CUX2: variants seen among roughly 807,000 people sequenced by gnomAD.
CUX2 encodes the protein homeobox protein cut-like 2.
Under a neutral mutation model 144.8 loss-of-function variants are expected in CUX2, and 40 were observed. That is an observed-to-expected ratio of 0.28 (90% CI 0.21 to 0.36). CUX2 has a LOEUF of 0.36. Among genes scored for constraint, CUX2 ranks in the 10% least tolerant of loss-of-function variants. The pLI, the probability that CUX2 is intolerant of heterozygous loss-of-function variation, is 1.00. For missense variants in CUX2, 1,615 were observed against 1,994.0 expected (o/e 0.81, Z 3.62); for synonymous variants, 827 against 875.6 (o/e 0.94, Z 0.98).
chr12:111,136,381 G>A (rs569208303), intron 1 of CUX2, among the ~76,000 whole-genome samples: 1 of 152,228 alleles, frequency 6.6e-6, no homozygotes, highest in South Asian at 2.1e-4. Flanking sequence ...AGAAGAGGGA[G>A]GATAAAGCCA....
intron 1 of CUX2, among the ~76,000 whole-genome samples, chr12:111,112,953 C>T (rs1874064510): frequency 6.6e-6 from 1 of 152,164 alleles, no homozygotes; most frequent in South Asian, 2.1e-4. Flanking sequence ...GCACTTTGGA[C>T]AGAAAGTGAC....
intron 3 of CUX2, among the ~76,000 whole-genome samples, chr12:111,258,011 A>T (rs11065843): frequency 0.028 from 4,280 of 152,292 alleles, 206 homozygotes; most frequent in East Asian, 0.22. Flanking sequence ...CTTGGAAAAG[A>T]TATCCTATGT....
At chr12:111,311,862 TG>T (rs1886924248) in intron 15 of CUX2, among the ~76,000 whole-genome samples, 1 of 151,992 alleles carries the variant, frequency 6.6e-6, no homozygotes, top group South Asian at 2.1e-4. Flanking sequence ...ACTCCCAGAG[TG>T]CTGGGATTAC....
At chr12:111,091,083 G>T (rs991167699) in intron 1 of CUX2, among the ~76,000 whole-genome samples, 2 of 152,140 alleles carry the variant, frequency 1.3e-5, no homozygotes, top group African/African-American at 4.8e-5. Flanking sequence ...CTTGAGCCAG[G>T]AATTCAGTCA....
chr12:111,292,146 A>G (rs1242076740), intron 5 of CUX2, among the ~76,000 whole-genome samples: 2 of 152,260 alleles, frequency 1.3e-5, no homozygotes, highest in East Asian at 1.9e-4. Flanking sequence ...ACAAATGTAC[A>G]TGGCAGCGTT....
rs1226193033 is a variant in CUX2, at chr12:111,263,130, C to A, written c.223-631C>A. ...CTAACTCCAGAGCCCACACTTTTAA[C>A]CTTCATTTCTCCTTCTTGCCCCTCC... On this transcript the variant is annotated intron_variant, in intron 3 of 21. Coordinates refer to ENST00000261726, the MANE Select transcript of CUX2 (RefSeq NM_015267.4). This position sits in a 1 kb window ranked among gnomAD's most constrained non-coding sequence, Gnocchi z 4.0. 6.6e-6 allele frequency among the ~76,000 whole-genome samples: 1 copy of A among 152,218 alleles called. No homozygotes were observed. The highest frequency in any genetic ancestry group is 1.5e-5 in the Non-Finnish European group (1 of 68,044).
At chr12:111,170,889 T>G (rs1878481121) in intron 1 of CUX2, among the ~76,000 whole-genome samples, 1 of 151,926 alleles carries the variant, frequency 6.6e-6, no homozygotes, top group Non-Finnish European at 1.5e-5. Context: ...AATAAGCATG[T>G]GGAAGCCATG....
chr12:111,056,277 C>T (rs745372625), intron 1 of CUX2, among the ~76,000 whole-genome samples: 4 of 152,186 alleles, frequency 2.6e-5, no homozygotes, highest in Non-Finnish European at 5.9e-5. Flanking sequence ...CCACCCCAAA[C>T]TTAGTGGACA....
rs1264434909 is a variant in CUX2, at chr12:111,295,562, G to T, written c.637+153G>T. On this transcript the variant is annotated intron_variant, in intron 7 of 21. Transcript: ENST00000261726. This position sits in a 1 kb window ranked among gnomAD's most constrained non-coding sequence, Gnocchi z 5.0. Reference sequence around the variant, plus strand: ...TGGGAAGAATAATCTTACCCAGTGGGGGGCTGAGCCTCTATGCCCCAGAGG... The same window carrying T: ...TGGGAAGAATAATCTTACCCAGTGGTGGGCTGAGCCTCTATGCCCCAGAGG... 6.6e-6 allele frequency among the ~76,000 whole-genome samples: 1 copy of T among 152,096 alleles called. No individual in the cohort carries two copies. The highest frequency in any genetic ancestry group is 1.5e-5 in the Non-Finnish European group (1 of 68,028).
chr12:111,075,058 G>T lies in CUX2; in HGVS notation c.63+40818G>T, dbSNP rs540880989. Among the ~76,000 whole-genome samples the T allele has an allele frequency of 3.3e-5, 5 of 152,256 alleles. No individual in the cohort carries two copies. In the South Asian group the frequency reaches 6.2e-4, roughly 19 times the overall value. On this transcript the variant is annotated intron_variant, in intron 1 of 21. Coordinates refer to ENST00000261726, the MANE Select transcript of CUX2 (RefSeq NM_015267.4). Reference sequence around the variant, plus strand: ...AGGCCTGGCCGAGTCACACCTGAGGGCTGCAGAGGATGGAGGAGACAGCCA... The same window carrying T: ...AGGCCTGGCCGAGTCACACCTGAGGTCTGCAGAGGATGGAGGAGACAGCCA...
intron 1 of CUX2, among the ~76,000 whole-genome samples, chr12:111,132,085 C>T (rs956002059): frequency 1.3e-5 from 2 of 152,242 alleles, no homozygotes; most frequent in African/African-American, 4.8e-5. Flanking sequence ...TTTGCCTGGT[C>T]ATCCAGGCAT....
chr12:111,330,470 C>A (rs937699049), intron 18 of CUX2, among the ~76,000 whole-genome samples: 2 of 151,574 alleles, frequency 1.3e-5, no homozygotes, highest in African/African-American at 4.8e-5. Flanking sequence ...CTCTGAACCT[C>A]GGTTTCCTCA....
chr12:111,255,681 G>A lies in CUX2; in HGVS notation c.223-8080G>A, dbSNP rs1883780549. Among the ~76,000 whole-genome samples, 1 of 152,214 alleles carries A rather than the reference G, an allele frequency of 6.6e-6. No homozygotes were observed. The highest frequency in any genetic ancestry group is 1.9e-4 in the East Asian group (1 of 5,204). On this transcript the variant is annotated intron_variant, in intron 3 of 21. Transcript: ENST00000261726. The surrounding 1 kb of genome is among the most constrained non-coding windows in gnomAD (Gnocchi z 4.1). ...GCCTCGACATCTTCATCTGTTAAAT[G>A]GGATAGTCACACCCGCAGCGTGATG...
chr12:111,119,918 C>T (rs1874535709), intron 1 of CUX2, among the ~76,000 whole-genome samples: 1 of 152,134 alleles, frequency 6.6e-6, no homozygotes, highest in Non-Finnish European at 1.5e-5. Flanking sequence ...ATTAGCCAGG[C>T]ATGGTGGCAC....
chr12:111,250,687 C>CAGCTGGAAACTGCTTCT (rs1883520683), intron 3 of CUX2, among the ~76,000 whole-genome samples: 1 of 152,202 alleles, frequency 6.6e-6, no homozygotes, highest in Non-Finnish European at 1.5e-5. Context: ...AAAAGACACA[C>CAGCTGGAAACTGCTTCT]AGCTGGAAAC....
Position 111,310,380 on chromosome 12 carries a change from C to T in CUX2, c.1598C>T (p.Pro533Leu). The change falls in exon 15 of 22, where the codon CCT (proline) becomes CTT (leucine). Residue 533 changes from proline to leucine, a missense_variant. Around this residue, in one of 12 missense-constraint regions of CUX2, gnomAD observed 154 missense variants for 148.4 expected, o/e 1.04. Coordinates refer to ENST00000261726, the MANE Select transcript of CUX2 (RefSeq NM_015267.4). The surrounding 1 kb of genome is among the most constrained non-coding windows in gnomAD (Gnocchi z 7.9). ...CCTGGCCCTGAGCCACTGGGCGGTC[C>T]TGAGCCCGCGGATGGTGGTGGGGGC... ...PAPGPEPLGG[P>L]EPADGGGGGA... 2 of 1,602,070 alleles carry T rather than the reference C, an allele frequency of 1.2e-6. No individual in the cohort carries two copies. Among genetic ancestry groups the T allele is most frequent in the Non-Finnish European group, 1.7e-6 (2 of 1,173,282 alleles).
chr12:111,321,850 G>A (rs1057384031), intron 17 of CUX2, among the ~76,000 whole-genome samples: 1 of 152,112 alleles, frequency 6.6e-6, no homozygotes, highest in East Asian at 1.9e-4. Context: ...GGAGGAGGGA[G>A]AAATGACTTA....
At chr12:111,159,062 G>GT (rs1385993923) in intron 1 of CUX2, among the ~76,000 whole-genome samples, 1 of 152,208 alleles carries the variant, frequency 6.6e-6, no homozygotes, top group African/African-American at 2.4e-5. Context: ...CCCAGCTGGT[G>GT]TTCCGATCCC....
Position 111,287,819 on chromosome 12 carries a change from C to T in CUX2, c.302-3599C>T, listed in dbSNP as rs1885470544. The stretch of plus-strand genomic sequence containing the variant: ...GTAAAACAGGGAAGCCGCCTTGTTC[C>T]AGCCGGACCTGAAGGCCCCATGTAC... On this transcript the variant is annotated intron_variant, in intron 4 of 21. Transcript: ENST00000261726. This position sits in a 1 kb window ranked among gnomAD's most constrained non-coding sequence, Gnocchi z 4.2. Among the ~76,000 whole-genome samples, 1 of 152,246 alleles carries T rather than the reference C, an allele frequency of 6.6e-6. No individual in the cohort carries two copies. The highest frequency in any genetic ancestry group is 1.5e-5 in the Non-Finnish European group (1 of 68,042).
Sources: allele counts gnomAD v4.1 joint callset (sites outside exome capture counted in the v4.1 genomes callset), GRCh38; gene constraint gnomAD v4.1.1; regional missense constraint gnomAD v4.1.1; non-coding constraint Gnocchi (gnomAD v3.1); transcripts MANE v1.5; gene names NCBI Gene and HGNC (gene_info 2026-07-23, HGNC 2026-07-21).